The following GRAMD4 variants were observed in gnomAD, a reference collection of about 807,000 sequenced individuals.
The protein encoded by GRAMD4 is GRAM domain containing 4, also known as GRAM domain-containing protein 4.
Under a neutral mutation model 83.9 loss-of-function variants are expected in GRAMD4, and 25 were observed. The observed-to-expected ratio is 0.30, with a 90% CI of 0.22 to 0.42. The LOEUF (loss-of-function observed/expected upper bound fraction) is 0.42, where lower values mean the gene tolerates loss of function less well. Ranked by LOEUF, GRAMD4 falls within the 10% of genes least tolerant of loss-of-function variation. GRAMD4 has a pLI of 1.00. For synonymous variants in GRAMD4, 336 were observed against 320.9 expected (o/e 1.05, Z -0.50); for missense variants, 593 against 788.7 (o/e 0.75, Z 2.97).
upstream of GRAMD4, among the ~76,000 whole-genome samples, chr22:46,576,939 C>T (rs189586693): frequency 0.22 from 31,665 of 145,422 alleles, 4,093 homozygotes; most frequent in Non-Finnish European, 0.3. Context: ...CGAGCTGGCG[C>T]ACGCGGACCC....
chr22:46,677,002 G>A, intron 18 of GRAMD4, 145 bp from the exon 19 acceptor site: 1 of 893,004 alleles, frequency 1.1e-6, no homozygotes, highest in East Asian at 2.6e-5. Flanking sequence ...CCTGGCTCCG[G>A]GTGGTGGGGA....
chr22:46,626,736 G>A lies in GRAMD4; in HGVS notation c.-49-15G>A, dbSNP rs945408083. On this transcript the variant is annotated splice_polypyrimidine_tract_variant and intron_variant, in intron 1 of 18. Transcript: ENST00000406902. ...AGGTGGCGAGCGGGAGAGTGACCAC[G>A]CCCCTCTCTTGCAGGGAACCCGAGC... is the stretch of plus-strand genomic sequence containing the variant. The A allele has an allele frequency of 4.5e-6, 7 of 1,555,502 alleles. No homozygotes were observed. Among genetic ancestry groups the A allele is most frequent in the South Asian group, 2.3e-5 (2 of 86,512 alleles).
chr22:46,590,366 T>C (rs13055947), intron 1 of GRAMD4, among the ~76,000 whole-genome samples: 74,567 of 151,888 alleles, frequency 0.49, 20,367 homozygotes, highest in African/African-American at 0.75. Context: ...TCTCCCAGTG[T>C]CCTTCCTCCA....
chr22:46,673,049 G>C (rs764861133), intron 14 of GRAMD4, 52 bp downstream of exon 14: 1 of 1,456,392 alleles, frequency 6.9e-7, no homozygotes, highest in East Asian at 2.4e-5. Context: ...CCACGAAGCC[G>C]GGCATCCCCA....
At chr22:46,605,882 G>A (rs59547148) in intron 1 of GRAMD4, among the ~76,000 whole-genome samples, 2 of 151,324 alleles carry the variant, frequency 1.3e-5, no homozygotes, top group African/African-American at 4.9e-5. Flanking sequence ...ATCTCTGCAT[G>A]GGCTTATGGC....
intron 13 of GRAMD4, among the ~76,000 whole-genome samples, chr22:46,670,370 G>A (rs2082483501): frequency 6.6e-6 from 1 of 152,250 alleles, no homozygotes; most frequent in Non-Finnish European, 1.5e-5. Context: ...AGCCAGATCT[G>A]ATCAGACCCT....
chr22:46,580,358 C>T (rs1233237309), intron 1 of GRAMD4, among the ~76,000 whole-genome samples: 5 of 152,316 alleles, frequency 3.3e-5, no homozygotes, highest in South Asian at 2.1e-4. Flanking sequence ...TTTGGCACCA[C>T]GGTGGGTTTA....
chr22:46,675,460 C>T lies in GRAMD4; in HGVS notation c.1479-8C>T. 6.2e-7 allele frequency: 1 copy of T among 1,605,358 alleles called. No homozygotes were observed. The highest frequency in any genetic ancestry group is 8.5e-7 in the Non-Finnish European group (1 of 1,172,414). ...GCCAGGCGACGCCTCTGTCCGTTCC[C>T]CTTCCAGTTACTTGTGCTTCGAAAG... On this transcript the variant is annotated splice_region_variant and splice_polypyrimidine_tract_variant and intron_variant, in intron 16 of 18. Transcript: ENST00000406902.
At chr22:46,607,951 G>A (rs1373545028) in intron 1 of GRAMD4, among the ~76,000 whole-genome samples, 4 of 152,162 alleles carry the variant, frequency 2.6e-5, no homozygotes, top group African/African-American at 9.7e-5. Context: ...GCCCCCCCAG[G>A]GGCCGTGGGG....
At chr22:46,652,635 G>T (rs957573184) in intron 3 of GRAMD4, among the ~76,000 whole-genome samples, 1 of 152,158 alleles carries the variant, frequency 6.6e-6, no homozygotes, top group South Asian at 2.1e-4. Context: ...GCAGCCCGGC[G>T]TCCTCAGTGT....
intron 1 of GRAMD4, among the ~76,000 whole-genome samples, chr22:46,605,802 C>T (rs2081360153): frequency 6.9e-6 from 1 of 144,870 alleles, no homozygotes; most frequent in Non-Finnish European, 1.5e-5. Context: ...ATGGCCGGTG[C>T]TGAGCATCTC....
At chr22:46,590,086 T>C (rs1031461899) in intron 1 of GRAMD4, among the ~76,000 whole-genome samples, 1 of 152,176 alleles carries the variant, frequency 6.6e-6, no homozygotes, top group African/African-American at 2.4e-5. Context: ...TGCCTACTGT[T>C]GGCCCGGGTG....
At chr22:46,661,254 G>C (rs2082322136) in intron 4 of GRAMD4, 127 bp from the exon 5 acceptor site, 4 of 695,054 alleles carry the variant, frequency 5.8e-6, no homozygotes, top group Non-Finnish European at 1.0e-5. Context: ...GGAGACTCTG[G>C]AGAGAGCCCT....
In GRAMD4 at chr22:46,587,862, G is replaced by GC. The variant is rs1284399141; in HGVS notation, c.-50+10575dup. ...AGTGAAACAGGCGTGTGCGCCAGAA[G>GC]CCCGGGCGTCGGGGTGGGGCCGCGG... On this transcript the variant is annotated intron_variant, in intron 1 of 1. Transcript: ENST00000431155. 4 of 973,806 alleles carry GC rather than the reference G, an allele frequency of 4.1e-6. No individual in the cohort carries two copies. The Admixed American group carries it at 2.5e-4, about 60-fold the overall frequency. 60.3% of individuals were successfully genotyped at this position (973,806 alleles called of 1,614,324 possible).
chr22:46,579,387 C>T (rs920760898), intron 1 of GRAMD4, among the ~76,000 whole-genome samples: 5 of 152,228 alleles, frequency 3.3e-5, no homozygotes, highest in East Asian at 1.9e-4. Context: ...CCTGAATCAC[C>T]ATTTCTGCTG....
chr22:46,674,052 CCT>C, intron 15 of GRAMD4, among the ~76,000 whole-genome samples: 1 of 152,332 alleles, frequency 6.6e-6, no homozygotes, highest in East Asian at 1.9e-4. Flanking sequence ...GCAGCACTCC[CCT>C]GACAGCAGGC....
Position 46,621,192 on chromosome 22 carries a change from G to A in GRAMD4, c.-50+627G>A, listed in dbSNP as rs1320317408. On this transcript the variant is annotated intron_variant, in intron 1 of 18. Coordinates refer to ENST00000406902, the MANE Select transcript of GRAMD4 (RefSeq NM_015124.5). The surrounding 1 kb of genome is among the most constrained non-coding windows in gnomAD (Gnocchi z 5.8). ...AGGTGAGACGCAGGTGGGCGGTGTC[G>A]GGAGACCCGGGTCTGGCCTGAGGTG... is the stretch of plus-strand genomic sequence containing the variant. 2.6e-5 allele frequency among the ~76,000 whole-genome samples: 4 copies of A among 152,284 alleles called. No homozygotes were observed. The highest frequency in any genetic ancestry group is 1.9e-4 in the East Asian group (1 of 5,190).
chr22:46,632,027 C>T (rs1260874967), intron 2 of GRAMD4, among the ~76,000 whole-genome samples: 1 of 152,254 alleles, frequency 6.6e-6, no homozygotes, highest in Non-Finnish European at 1.5e-5. Flanking sequence ...GTCTTTTCAT[C>T]TCTGGCCGCT....
intron 1 of GRAMD4, among the ~76,000 whole-genome samples, chr22:46,583,175 C>A (rs1055365942): frequency 5.9e-5 from 9 of 152,208 alleles, no homozygotes; most frequent in Non-Finnish European, 1.3e-4. Context: ...CCATTCGCTT[C>A]GGTCTCTCAA....
Sources: gnomAD v4.1 joint callset for allele counts (sites outside exome capture counted in the v4.1 genomes callset) on GRCh38, gnomAD v4.1.1 for gene constraint, Gnocchi (gnomAD v3.1) non-coding constraint, MANE v1.5 for transcripts, NCBI Gene and HGNC (gene_info 2026-07-23, HGNC 2026-07-21) for gene names.